The following PAH variants were observed in gnomAD, a reference collection of about 807,000 sequenced individuals.
PAH encodes phenylalanine hydroxylase.
A neutral mutation model predicts 62.0 loss-of-function variants in PAH; 64 were observed. The ratio of observed to expected loss-of-function variants is 1.03; its 90% CI spans 0.84 to 1.27. The LOEUF (loss-of-function observed/expected upper bound fraction) is 1.27, where lower values mean the gene tolerates loss of function less well. Ranked by LOEUF, PAH falls within the 50% of genes most tolerant of loss-of-function variation. The probability of loss-of-function intolerance (pLI) is 0.00; values close to 1 mark genes in which losing one functional copy is unlikely to be tolerated. For missense variants in PAH, 579 were observed against 542.8 expected (o/e 1.07, Z -0.66); for synonymous variants, 195 against 196.2 (o/e 0.99, Z 0.05).
At chr12:102,875,631 G>A (rs1454395881) in intron 4 of PAH, among the ~76,000 whole-genome samples, 2 of 152,118 alleles carry the variant, frequency 1.3e-5, no homozygotes, top group African/African-American at 4.8e-5. Flanking sequence ...TAGGCTACAT[G>A]GTATATAGGA....
chr12:102,854,093 C>T (rs1185121554), intron 6 of PAH, among the ~76,000 whole-genome samples: 3 of 152,152 alleles, frequency 2.0e-5, no homozygotes, highest in Non-Finnish European at 4.4e-5. Context: ...CTCTTGCCCC[C>T]ATGTTCTCTG....
chr12:102,907,604 CTTTTCT>C (rs1176689093), intron 2 of PAH, among the ~76,000 whole-genome samples: 1 of 151,380 alleles, frequency 6.6e-6, no homozygotes, highest in African/African-American at 2.4e-5. Flanking sequence ...TCCTTCTTTT[CTTTTCT>C]TTTTTTTTTT....
intron 4 of PAH, 71 bp downstream of exon 4, chr12:102,877,391 A>G: frequency 9.7e-7 from 1 of 1,030,882 alleles, no homozygotes; most frequent in Non-Finnish European, 1.5e-6. Flanking sequence ...CCAAGTAGAG[A>G]AGGTAAGAGG....
chr12:102,899,647 C>T (rs1337585129), intron 2 of PAH, among the ~76,000 whole-genome samples: 2 of 151,262 alleles, frequency 1.3e-5, no homozygotes, highest in African/African-American at 4.9e-5. Context: ...ATCACGAGGT[C>T]AGGAGATCGA....
intron 1 of PAH, among the ~76,000 whole-genome samples, chr12:102,936,484 T>C (rs1043680166): frequency 2.6e-5 from 4 of 152,210 alleles, no homozygotes; most frequent in African/African-American, 9.6e-5. Flanking sequence ...GAGGTGTTGA[T>C]GTCTCTAGCT....
chr12:102,842,746 G>C (rs541308667), intron 11 of PAH, among the ~76,000 whole-genome samples: 1 of 152,156 alleles, frequency 6.6e-6, no homozygotes, highest in East Asian at 1.9e-4. Flanking sequence ...TCTTTGAGAA[G>C]TCATTTATTC....
At chr12:102,950,956 G>A, upstream of PAH, 1 of 151,850 alleles carries the variant, frequency 6.6e-6, no homozygotes, top group East Asian at 1.9e-4. Context: ...GATAGTGTGT[G>A]TGTTGTGGCT....
intron 2 of PAH, 55 bp from the exon 3 acceptor site, chr12:102,894,973 A>G: frequency 6.2e-6 from 8 of 1,285,450 alleles, no homozygotes; most frequent in Non-Finnish European, 2.3e-6. Flanking sequence ...AACGCAGGCC[A>G]AAGATGCAGA....
At chr12:102,853,862 A>G (rs1321522984) in intron 6 of PAH, among the ~76,000 whole-genome samples, 2 of 152,222 alleles carry the variant, frequency 1.3e-5, no homozygotes, top group African/African-American at 4.8e-5. Flanking sequence ...CCTATGAAGT[A>G]GACACTTTTA....
chr12:102,858,760 GT>G (rs1233666667), intron 5 of PAH, among the ~76,000 whole-genome samples: 3 of 152,154 alleles, frequency 2.0e-5, no homozygotes, highest in Admixed American at 2.0e-4. Context: ...AGATAAAGAC[GT>G]TCTTTGAAAC....
At chr12:102,928,381 G>T (rs930992691) in intron 1 of PAH, among the ~76,000 whole-genome samples, 12 of 152,146 alleles carry the variant, frequency 7.9e-5, no homozygotes, top group Non-Finnish European at 1.5e-5. Context: ...TATTCTCATT[G>T]TGTGGATGAG....
intron 8 of PAH, among the ~76,000 whole-genome samples, chr12:102,850,725 C>T (rs573219350): frequency 7.2e-5 from 11 of 152,238 alleles, no homozygotes; most frequent in African/African-American, 2.6e-4. Context: ...TCCCAGCTAC[C>T]AAACCATGGT....
intron 2 of PAH, among the ~76,000 whole-genome samples, chr12:102,898,714 G>C (rs548070545): frequency 6.6e-6 from 1 of 152,318 alleles, no homozygotes; most frequent in African/African-American, 2.4e-5. Flanking sequence ...GTGCTTGGCC[G>C]CAAGTAGCTA....
At chr12:102,842,081 C>T (rs1002270674) in intron 11 of PAH, among the ~76,000 whole-genome samples, 21 of 152,296 alleles carry the variant, frequency 1.4e-4, no homozygotes, top group Admixed American at 9.8e-4. Flanking sequence ...CTTGAGGCCT[C>T]GGTACTGACA....
At chr12:102,863,531 G>A (rs1030200738) in intron 5 of PAH, among the ~76,000 whole-genome samples, 5 of 152,230 alleles carry the variant, frequency 3.3e-5, no homozygotes, top group Middle Eastern at 3.4e-3. Flanking sequence ...GCTGAGAGAT[G>A]GGACTATGTC....
chr12:102,878,646 A>T (rs1288002973), intron 3 of PAH, among the ~76,000 whole-genome samples: 1 of 151,404 alleles, frequency 6.6e-6, no homozygotes, highest in Non-Finnish European at 1.5e-5. Context: ...GAGGGAAGAG[A>T]GGGAGGGAAG....
chr12:102,855,788 T>C (rs529418585), intron 5 of PAH, among the ~76,000 whole-genome samples: 6 of 152,254 alleles, frequency 3.9e-5, no homozygotes, highest in Admixed American at 2.6e-4. Flanking sequence ...TGTATTTTTA[T>C]GGTGTTAGCT....
chr12:102,852,726 G>T, intron 7 of PAH, 89 bp downstream of exon 7: 1 of 1,520,526 alleles, frequency 6.6e-7, no homozygotes, highest in Non-Finnish European at 9.1e-7. Flanking sequence ...CTGTGGACCA[G>T]CCAGCAATGA....
chr12:102,930,815 G>T (rs1183164139), intron 1 of PAH, among the ~76,000 whole-genome samples: 1 of 152,192 alleles, frequency 6.6e-6, no homozygotes, highest in East Asian at 1.9e-4. Flanking sequence ...GGAGAATTGT[G>T]TGAAATCAAT....
Sources: allele counts gnomAD v4.1 joint callset (sites outside exome capture counted in the v4.1 genomes callset), GRCh38; gene constraint gnomAD v4.1.1; transcripts MANE v1.5; gene names NCBI Gene and HGNC (gene_info 2026-07-23, HGNC 2026-07-21).